The following TMEM221 variants were observed in gnomAD, a reference collection of about 807,000 sequenced individuals.
The protein encoded by TMEM221 is transmembrane protein 221.
Under a neutral mutation model 10.2 loss-of-function variants are expected in TMEM221, and 11 were observed. The ratio of observed to expected loss-of-function variants is 1.08; its 90% CI spans 0.68 to 1.79. The LOEUF (loss-of-function observed/expected upper bound fraction) is 1.79, where lower values mean the gene tolerates loss of function less well. Ranked by LOEUF, TMEM221 falls within the 40% of genes most tolerant of loss-of-function variation. TMEM221 has a pLI of 0.00. For missense variants in TMEM221, 382 were observed against 417.7 expected, an observed-to-expected ratio of 0.91 and a Z score of 0.75; for synonymous variants, 172 against 199.8, an observed-to-expected ratio of 0.86 and a Z score of 1.18.
chr19:17,441,476 A>C (rs2074931584), intron 2 of TMEM221, among the ~76,000 whole-genome samples: 1 of 152,172 alleles, frequency 6.6e-6, no homozygotes, highest in Non-Finnish European at 1.5e-5. Flanking sequence ...TCTACACTGC[A>C]GAGTGGATTT....
chr19:17,438,854 T>A (rs2074920291), intron 2 of TMEM221, among the ~76,000 whole-genome samples: 1 of 144,572 alleles, frequency 6.9e-6, no homozygotes, highest in African/African-American at 2.5e-5. Context: ...TGCCTCGGCC[T>A]CCCAAAGTGC....
intron 2 of TMEM221, among the ~76,000 whole-genome samples, chr19:17,443,519 G>T (rs373652819): frequency 2.0e-4 from 31 of 151,266 alleles, no homozygotes; most frequent in African/African-American, 5.1e-4. Flanking sequence ...ATGGTGGGGT[G>T]GGGGGGCGGT....
At chr19:17,446,234 T>A (rs2074952935) in intron 1 of TMEM221, among the ~76,000 whole-genome samples, 1 of 152,034 alleles carries the variant, frequency 6.6e-6, no homozygotes, top group Non-Finnish European at 1.5e-5. Flanking sequence ...CCTTCCTTAC[T>A]TCGATCCATC....
intron 2 of TMEM221, among the ~76,000 whole-genome samples, chr19:17,443,979 C>CTT (rs143259849): frequency 3.7e-5 from 5 of 136,576 alleles, no homozygotes; most frequent in Non-Finnish European, 6.2e-5. Context: ...CTGGGGTATC[C>CTT]TTTTTTTTTT....
chr19:17,441,092 C>T (rs1030340466), intron 2 of TMEM221, among the ~76,000 whole-genome samples: 3 of 151,706 alleles, frequency 2.0e-5, no homozygotes, highest in Non-Finnish European at 4.4e-5. Flanking sequence ...CCTGTAATCC[C>T]AGGTACTTGG....
chr19:17,442,350 T>C (rs1273889469), intron 2 of TMEM221, among the ~76,000 whole-genome samples: 1 of 151,752 alleles, frequency 6.6e-6, no homozygotes, highest in Non-Finnish European at 1.5e-5. Flanking sequence ...CTCCGCCCCC[T>C]GGGTTCAAGC....
chr19:17,436,503 C>G lies in TMEM221; in HGVS notation c.831G>C (p.Leu277=), dbSNP rs2074908859. 4.6e-6 allele frequency: 7 copies of G among 1,533,796 alleles called. No individual in the cohort carries two copies. The highest frequency in any genetic ancestry group is 6.1e-6 in the Non-Finnish European group (7 of 1,145,228). The stretch of plus-strand genomic sequence containing the variant: ...TCCCCATGCTCCCTGGTCTGTGGCC[C>G]AGCATTCGACGCATCTCGTGCGTAA... The part of the protein sequence containing the change: ...DGVTHEMRRM[L]GHRPGSMGKD... The change falls in exon 3 of 3, where the codon CTG becomes CTC. Residue 277 remains leucine (L), a synonymous_variant. Transcript: ENST00000341130.
Position 17,448,052 on chromosome 19 carries a change from C to G in TMEM221, c.320+91G>C, listed in dbSNP as rs1352061644. The G allele has an allele frequency of 1.8e-6, 2 of 1,119,184 alleles. No individual in the cohort carries two copies. Among genetic ancestry groups the G allele is most frequent in the East Asian group, 3.4e-5 (1 of 29,746 alleles). The allele number at this position is 1,119,184 out of a possible 1,614,324, so 69.3% of individuals were successfully genotyped here. A position where few individuals can be genotyped will look rare whatever the true frequency, so the allele number is the denominator to read the frequency against. Reference sequence around the variant, plus strand: ...GGGAAGTGGGGAGGGAAGCTGTCCCCCCAGCCTGAGGCCAAAAGAGGGGAA... The same window carrying G: ...GGGAAGTGGGGAGGGAAGCTGTCCCGCCAGCCTGAGGCCAAAAGAGGGGAA... On this transcript the variant is annotated intron_variant, in intron 1 of 2. Coordinates refer to ENST00000341130, the MANE Select transcript of TMEM221 (RefSeq NM_001190844.2). This position sits in a 1 kb window ranked among gnomAD's most constrained non-coding sequence, Gnocchi z 4.7.
chr19:17,447,046 A>AC lies in TMEM221; in HGVS notation c.320+1096dup, dbSNP rs2074955546. ...AGACCAGCCTGGCCAACATGGTGAA[A>AC]CCCCGCCTCTACTAAAAATACAAAA... On this transcript the variant is annotated intron_variant, in intron 1 of 2. Transcript: ENST00000341130. Among the ~76,000 whole-genome samples, 14 of 151,094 alleles carry AC rather than the reference A, an allele frequency of 9.3e-5. No individual in the cohort carries two copies. In the South Asian group the frequency reaches 2.9e-3, roughly 32 times the overall value.
Position 17,448,143 on chromosome 19 carries a change from C to T in TMEM221, c.320G>A (p.Arg107Lys). The T allele has an allele frequency of 7.2e-7, 1 of 1,395,732 alleles. No individual in the cohort carries two copies. Among genetic ancestry groups the T allele is most frequent in the Non-Finnish European group, 9.3e-7 (1 of 1,080,068 alleles). 86.5% of individuals were successfully genotyped at this position (1,395,732 alleles called of 1,614,324 possible). The change falls in exon 1 of 3, where the codon AGG becomes AAG. Residue 107 changes from arginine (R) to lysine (K), a missense_variant and splice_region_variant. By Grantham distance (26) the Arg-to-Lys change is conservative. Transcript: ENST00000341130. This position sits in a 1 kb window ranked among gnomAD's most constrained non-coding sequence, Gnocchi z 4.7. ...AELARGPGPR[R>K]SDWFLYDCRL... is the part of the protein sequence containing the mutation. ...GAGGCGGTGAGGCCAGTCCTCCTAC[C>T]TCCTGGGGCCAGGCCCCCGCGCCAG...
chr19:17,440,536 T>C (rs888451309), intron 2 of TMEM221, among the ~76,000 whole-genome samples: 13 of 152,164 alleles, frequency 8.5e-5, no homozygotes, highest in Admixed American at 6.6e-5. Flanking sequence ...AAAATGGTAA[T>C]GTTTTTGTTA....
chr19:17,445,210 A>G lies in TMEM221; in HGVS notation c.395T>C (p.Val132Ala), dbSNP rs1433563422. 1.3e-6 allele frequency: 2 copies of G among 1,535,684 alleles called. No homozygotes were observed. Among genetic ancestry groups the G allele is most frequent in the Non-Finnish European group, 1.7e-6 (2 of 1,146,696 alleles). Residue 132 changes from valine to alanine, a missense_variant, in exon 2 of 3, where the codon GTC becomes GCC. By Grantham distance (64) the Val-to-Ala change is moderately conservative. Transcript: ENST00000341130. ...ATTCCAGCACACACCTGCTAAATAG[A>G]CGGAGATCCCACAGCAGAAAAGGCC... ...ALGLFCCGISVYLAALSIYAL... is the reference protein window; with the variant it reads ...ALGLFCCGISAYLAALSIYAL...
chr19:17,444,564 C>CCCAG (rs1344342586), intron 2 of TMEM221, among the ~76,000 whole-genome samples: 4 of 131,174 alleles, frequency 3.0e-5, no homozygotes, highest in Non-Finnish European at 4.7e-5. Context: ...CGCTGTATCA[C>CCCAG]CCAGGCTGGA....
chr19:17,436,308 ATTTT>A lies in TMEM221; in HGVS notation c.*146_*149del. Reference sequence around the variant, plus strand: ...GGTGAAGGCTGGAGCTCTGGCAATTATTTTGTGCCACGAGGCAACCTTGAGGACA... The same window carrying A: ...GGTGAAGGCTGGAGCTCTGGCAATTAGTGCCACGAGGCAACCTTGAGGACA... On this transcript the variant is annotated 3_prime_UTR_variant, in exon 3 of 3. Coordinates refer to ENST00000341130, the MANE Select transcript of TMEM221 (RefSeq NM_001190844.2). 2.7e-6 allele frequency: 2 copies of A among 740,516 alleles called. No individual in the cohort carries two copies. The highest frequency in any genetic ancestry group is 6.4e-5 in the Admixed American group (2 of 31,494). 45.9% of individuals were successfully genotyped at this position (740,516 alleles called of 1,614,324 possible). A position where few individuals can be genotyped will look rare whatever the true frequency, so the allele number is the denominator to read the frequency against.
intron 2 of TMEM221, 177 bp downstream of exon 2, chr19:17,445,022 A>G (rs757849201): frequency 1.8e-6 from 1 of 558,020 alleles, no homozygotes; most frequent in Non-Finnish European, 3.2e-6. Flanking sequence ...TTCCCATTGT[A>G]CTGATGAGGA....
intron 2 of TMEM221, among the ~76,000 whole-genome samples, chr19:17,438,324 G>C (rs34091750): frequency 0.3 from 46,220 of 151,944 alleles, 8,064 homozygotes; most frequent in Middle Eastern, 0.41. Context: ...CTGACCTCAG[G>C]TGATCCGCCC....
chr19:17,448,111 G>A lies in TMEM221; in HGVS notation c.320+32C>T. 1 of 1,321,468 alleles carries A rather than the reference G, an allele frequency of 7.6e-7. No homozygotes were observed. The highest frequency in any genetic ancestry group is 9.7e-7 in the Non-Finnish European group (1 of 1,035,960). 81.9% of individuals were successfully genotyped at this position (1,321,468 alleles called of 1,614,324 possible). ...ACCAGGCTCACCCAGCCCCCAGCCG[G>A]GCCTCCGAGGCGGTGAGGCCAGTCC... On this transcript the variant is annotated intron_variant, in intron 1 of 2. Transcript: ENST00000341130. This position sits in a 1 kb window ranked among gnomAD's most constrained non-coding sequence, Gnocchi z 4.7.
intron 2 of TMEM221, among the ~76,000 whole-genome samples, chr19:17,441,074 G>A (rs2144500703): frequency 6.6e-6 from 1 of 152,156 alleles, no homozygotes; most frequent in Non-Finnish European, 1.5e-5. Flanking sequence ...TGGGCGTGCT[G>A]GTGGGCTCCT....
intron 2 of TMEM221, 135 bp from the exon 3 acceptor site, chr19:17,437,062 C>T: frequency 3.5e-6 from 2 of 575,196 alleles, no homozygotes; most frequent in Non-Finnish European, 5.5e-6. Context: ...GCATTTAATC[C>T]TCCCACATCC....
Sources: allele counts gnomAD v4.1 joint callset (sites outside exome capture counted in the v4.1 genomes callset), GRCh38; gene constraint gnomAD v4.1.1; non-coding constraint Gnocchi (gnomAD v3.1); transcripts MANE v1.5; gene names NCBI Gene and HGNC (gene_info 2026-07-23, HGNC 2026-07-21).